Variants in TBPL2 observed in about 807,000 individuals in gnomAD.
The protein encoded by TBPL2 is TATA box-binding protein-like 2.
TBPL2 carries 40 observed loss-of-function variants against 38.2 expected under a neutral mutation model. The observed-to-expected ratio is 1.05, with a 90% confidence interval of 0.81 to 1.36. The LOEUF (loss-of-function observed/expected upper bound fraction) is 1.36. TBPL2 is among the 40% of genes most tolerant of loss of function. The pLI, the probability that TBPL2 is intolerant of heterozygous loss-of-function variation, is 0.00. For missense variants in TBPL2, 461 were observed against 456.7 expected (o/e 1.01, Z -0.09); for synonymous variants, 169 against 171.7 (o/e 0.98, Z 0.12).
intron 4 of TBPL2, among the ~76,000 whole-genome samples, chr14:55,430,950 T>C (rs1342988773): frequency 6.6e-6 from 1 of 152,240 alleles, no homozygotes; most frequent in Non-Finnish European, 1.5e-5. Context: ...GCTGTGATAT[T>C]CTAAGGACAC....
chr14:55,429,124 T>A, intron 4 of TBPL2, 150 bp from the exon 5 acceptor site: 1 of 929,372 alleles, frequency 1.1e-6, no homozygotes, highest in Non-Finnish European at 1.6e-6. Flanking sequence ...TTACTTCCCA[T>A]ACTTTCGTCC....
rs148782971 is a variant in TBPL2, at chr14:55,424,235, A to G, written c.975T>C (p.Phe325=). The change falls in exon 6 of 7, where the codon TTT becomes TTC. Residue 325 remains phenylalanine (F), a synonymous_variant. Coordinates refer to ENST00000247219, the Ensembl canonical transcript of TBPL2. The stretch of plus-strand genomic sequence containing the variant: ...TTACCATTCTATAAATAAGACCAGG[A>G]AACAGTTCAGGCTCGTAACTGTTAA... 4.7e-5 allele frequency: 76 copies of G among 1,612,932 alleles called. No homozygotes were observed. The Middle Eastern group carries it at 5.0e-4, about 11-fold the overall frequency.
intron 4 of TBPL2, 51 bp from the exon 5 acceptor site, chr14:55,429,025 A>G (rs1224328211): frequency 6.3e-7 from 1 of 1,594,494 alleles, no homozygotes. Context: ...ACATCCTCTC[A>G]ACTACTGGTG....
At chr14:55,426,003 C>T (rs982227277) in intron 5 of TBPL2, among the ~76,000 whole-genome samples, 2 of 152,108 alleles carry the variant, frequency 1.3e-5, no homozygotes, top group African/African-American at 2.4e-5. Flanking sequence ...TGCGGTGGCT[C>T]ACACCTGTAA....
At chr14:55,440,410 G>C in exon 1 of TBPL2, 1 of 1,613,058 alleles carries the variant, frequency 6.2e-7, no homozygotes, top group Non-Finnish European at 8.5e-7. Context: ...GCGGCGCACT[G>C]GTCCAGGTAG....
chr14:55,416,165 C>T lies in TBPL2; in HGVS notation c.1052-1710G>A, dbSNP rs147407580. ...GAAATGTTTTAGAACTAGGTAGAGC[C>T]GGTGGTATATTCACAATACACAACC... On this transcript the variant is annotated intron_variant, in intron 6 of 6. Coordinates refer to ENST00000247219, the Ensembl canonical transcript of TBPL2. Among the ~76,000 whole-genome samples the T allele has an allele frequency of 3.6e-3, 541 of 152,168 alleles. 7 individuals are homozygous for T. Among genetic ancestry groups the T allele is most frequent in the African/African-American group, 0.012 (515 of 41,502 alleles).
At chr14:55,435,607 T>G (rs1032423018) in intron 3 of TBPL2, among the ~76,000 whole-genome samples, 21 of 152,138 alleles carry the variant, frequency 1.4e-4, no homozygotes, top group African/African-American at 4.6e-4. Flanking sequence ...TAAAAAATAT[T>G]TTTGAATGAC....
At chr14:55,433,135 T>A (rs1178819986) in intron 4 of TBPL2, among the ~76,000 whole-genome samples, 5 of 151,642 alleles carry the variant, frequency 3.3e-5, no homozygotes, top group African/African-American at 1.2e-4. Flanking sequence ...TATTTTATTA[T>A]TTTTTTTAAT....
In TBPL2 at chr14:55,422,304, T is replaced by G. The variant is rs151080739; in HGVS notation, c.1051+1855A>C. Among the ~76,000 whole-genome samples, 873 of 152,220 alleles carry G rather than the reference T, an allele frequency of 5.7e-3. 13 individuals carry two copies. The highest frequency in any genetic ancestry group is 0.02 in the African/African-American group (820 of 41,536). On this transcript the variant is annotated intron_variant, in intron 6 of 6. Transcript: ENST00000247219. ...AATGTATAAAAAGACAAAAGTAGAC[T>G]ACGCGATCTCAGCTCACTGCAACCT... is the stretch of plus-strand genomic sequence containing the variant.
At chr14:55,416,485 T>C (rs955717579) in intron 6 of TBPL2, among the ~76,000 whole-genome samples, 18 of 152,120 alleles carry the variant, frequency 1.2e-4, no homozygotes, top group Admixed American at 1.0e-3. Context: ...AGTTATTTAT[T>C]CATTGCCAAA....
At chr14:55,438,331 A>C (rs1411185954) in intron 1 of TBPL2, among the ~76,000 whole-genome samples, 1 of 152,160 alleles carries the variant, frequency 6.6e-6, no homozygotes, top group Non-Finnish European at 1.5e-5. Flanking sequence ...AAACAAAATC[A>C]AGCTATTCTC....
At chr14:55,432,245 C>CAAAA (rs71131268) in intron 4 of TBPL2, among the ~76,000 whole-genome samples, 1 of 122,004 alleles carries the variant, frequency 8.2e-6, no homozygotes. Context: ...CCCGTCTCTA[C>CAAAA]AAAAAAAAAA....
chr14:55,428,698 CT>C (rs571276199), intron 5 of TBPL2, 108 bp downstream of exon 5: 60,644 of 874,366 alleles, frequency 0.069, no homozygotes, highest in South Asian at 0.094. Context: ...TGTCCCCCGC[CT>C]TTTTTTTTTT....
intron 6 of TBPL2, among the ~76,000 whole-genome samples, chr14:55,416,563 A>T (rs1885672889): frequency 6.6e-6 from 1 of 152,226 alleles, no homozygotes; most frequent in Non-Finnish European, 1.5e-5. Flanking sequence ...TTACTGACAC[A>T]CATAAGAGAA....
intron 1 of TBPL2, 110 bp downstream of exon 1, chr14:55,440,286 G>T: frequency 2.9e-6 from 4 of 1,357,820 alleles, no homozygotes; most frequent in Non-Finnish European, 4.1e-6. Context: ...GGGAAACCAA[G>T]CCCGCCTCTT....
intron 4 of TBPL2, among the ~76,000 whole-genome samples, chr14:55,432,232 ACC>A (rs1169801874): frequency 8.1e-6 from 1 of 123,450 alleles, no homozygotes; most frequent in Non-Finnish European, 1.7e-5. Context: ...ATATGGGGAA[ACC>A]CCCGTCTCTA....
At position 55,427,970 on chromosome 14, in the gene TBPL2, G is replaced by A. The variant is rs1304125947; in HGVS notation, c.956+837C>T. Among the ~76,000 whole-genome samples the A allele has an allele frequency of 1.5e-4, 17 of 114,906 alleles. No individual in the cohort carries two copies. In the South Asian group the frequency reaches 2.9e-3, roughly 20 times the overall value. The allele number at this position is 114,906 out of a possible 152,430, so 75.4% of individuals were successfully genotyped here. A position where few individuals can be genotyped will look rare whatever the true frequency, so the allele number is the denominator to read the frequency against. ...CTCTCACTGCAAGCTCCGTCTCCCG[G>A]GTTCACGCCATTCTCCTGCCTCAGC... On this transcript the variant is annotated intron_variant, in intron 5 of 6. Transcript: ENST00000247219.
At position 55,437,036 on chromosome 14, in the gene TBPL2, CA is replaced by C; in HGVS notation, c.151-19del. 1 of 1,607,018 alleles carries C rather than the reference CA, an allele frequency of 6.2e-7. No individual in the cohort carries two copies. Among genetic ancestry groups the C allele is most frequent in the East Asian group, 2.2e-5 (1 of 44,820 alleles). On this transcript the variant is annotated intron_variant, in intron 1 of 6. Transcript: ENST00000247219. ...AGGCCATCCTAGGCAGTTCCCAAAA[CA>C]GACAGACAAAAACACAACAGACAGA...
chr14:55,440,345 G>C (rs770983939), intron 1 of TBPL2, 51 bp downstream of exon 1: 1 of 1,609,066 alleles, frequency 6.2e-7, no homozygotes, highest in Non-Finnish European at 8.5e-7. Flanking sequence ...CCTTGGCACA[G>C]GACCGGGCGG....
Sources: allele counts gnomAD v4.1 joint callset (sites outside exome capture counted in the v4.1 genomes callset), GRCh38; gene constraint gnomAD v4.1.1; transcripts MANE v1.5; gene names NCBI Gene and HGNC (gene_info 2026-07-23, HGNC 2026-07-21).